NBEA: variants seen among roughly 807,000 people sequenced by gnomAD.
NBEA encodes the protein neurobeachin.
NBEA carries 44 observed loss-of-function variants against 343.4 expected under a neutral mutation model. The observed-to-expected ratio is 0.13, with a 90% confidence interval of 0.10 to 0.16. The LOEUF (loss-of-function observed/expected upper bound fraction) is 0.16, where lower values mean the gene tolerates loss of function less well. NBEA is among the 10% of genes least tolerant of loss of function. The pLI is 1.00. For missense variants in NBEA, 2,555 were observed against 3,631.3 expected (o/e 0.70, Z 7.62); for synonymous variants, 1,175 against 1,238.7 (o/e 0.95, Z 1.08).
intron 38 of NBEA, among the ~76,000 whole-genome samples, chr13:35,418,262 T>G (rs1040676393): frequency 6.6e-6 from 1 of 152,116 alleles, no homozygotes; most frequent in African/African-American, 2.4e-5. Context: ...TATTGTTATG[T>G]GTTACTCTTA....
At chr13:35,410,922 A>G (rs1174860655) in intron 38 of NBEA, among the ~76,000 whole-genome samples, 2 of 152,130 alleles carry the variant, frequency 1.3e-5, no homozygotes, top group Non-Finnish European at 2.9e-5. Context: ...TTTTTGTGCT[A>G]AAGCTTTAGC....
At chr13:35,066,896 A>G (rs931448533) in intron 8 of NBEA, among the ~76,000 whole-genome samples, 7 of 151,874 alleles carry the variant, frequency 4.6e-5, no homozygotes, top group African/African-American at 1.2e-4. Flanking sequence ...ATTTTCTTAT[A>G]TAGCATTTTC....
intron 39 of NBEA, among the ~76,000 whole-genome samples, chr13:35,439,591 TAAAAC>T (rs1376432428): frequency 6.6e-6 from 1 of 152,164 alleles, no homozygotes; most frequent in Non-Finnish European, 1.5e-5. Flanking sequence ...TATTCCTAGA[TAAAAC>T]AAAAACCATT....
intron 36 of NBEA, among the ~76,000 whole-genome samples, chr13:35,320,272 C>G (rs2038045224): frequency 6.6e-6 from 1 of 152,148 alleles, no homozygotes; most frequent in Non-Finnish European, 1.5e-5. Flanking sequence ...CCTTCGGGAG[C>G]TCTTGCAAGG....
At chr13:35,071,046 A>G (rs569147713) in intron 10 of NBEA, 194 bp downstream of exon 10, 25 of 429,268 alleles carry the variant, frequency 5.8e-5, no homozygotes, top group African/African-American at 4.9e-4. Flanking sequence ...AGGTTGTTAT[A>G]TCATAAAGGA....
chr13:35,240,969 A>C (rs1011474830), intron 34 of NBEA, among the ~76,000 whole-genome samples: 1 of 151,852 alleles, frequency 6.6e-6, no homozygotes, highest in Non-Finnish European at 1.5e-5. Context: ...AAGATATAAA[A>C]ATTCTTGAAT....
At chr13:35,634,115 C>T (rs377536591) in intron 49 of NBEA, among the ~76,000 whole-genome samples, 3 of 152,262 alleles carry the variant, frequency 2.0e-5, no homozygotes, top group East Asian at 3.9e-4. Flanking sequence ...AAAGCCGAGG[C>T]AGGCAGATCA....
chr13:35,054,281 C>G (rs905898390), intron 6 of NBEA, among the ~76,000 whole-genome samples: 3 of 152,036 alleles, frequency 2.0e-5, no homozygotes. Context: ...TATATGCAAA[C>G]TTTAATTCTT....
intron 47 of NBEA, among the ~76,000 whole-genome samples, chr13:35,594,990 C>A (rs1284368294): frequency 1.4e-5 from 2 of 140,738 alleles, no homozygotes; most frequent in Non-Finnish European, 1.5e-5. Flanking sequence ...CACACACACA[C>A]AAATTGGCTT....
At chr13:35,538,259 A>G (rs957113432) in intron 41 of NBEA, among the ~76,000 whole-genome samples, 1 of 152,250 alleles carries the variant, frequency 6.6e-6, no homozygotes, top group Admixed American at 6.5e-5. Context: ...TATACCTTAT[A>G]CATGTAGCCT....
At chr13:35,179,820 A>G (rs1281029154) in intron 28 of NBEA, 7 of 982,020 alleles carry the variant, frequency 7.1e-6, no homozygotes, top group Non-Finnish European at 8.5e-6. Context: ...TCTTAATCTG[A>G]TTGTGCTTCA....
intron 34 of NBEA, among the ~76,000 whole-genome samples, chr13:35,263,844 C>T (rs974550504): frequency 2.0e-5 from 3 of 151,818 alleles, no homozygotes; most frequent in Non-Finnish European, 4.4e-5. Flanking sequence ...CTCACACAAC[C>T]TACAGTGTAC....
At chr13:35,589,565 A>G (rs1187926521) in intron 46 of NBEA, among the ~76,000 whole-genome samples, 2 of 151,998 alleles carry the variant, frequency 1.3e-5, no homozygotes, top group Non-Finnish European at 2.9e-5. Context: ...GGAAAAGAAG[A>G]ACAGAACAGA....
intron 35 of NBEA, among the ~76,000 whole-genome samples, chr13:35,296,155 G>T (rs1441775494): frequency 6.6e-6 from 1 of 151,994 alleles, no homozygotes; most frequent in Non-Finnish European, 1.5e-5. Context: ...ACTTTGGGAG[G>T]CCAAGGCAGG....
At chr13:35,376,258 T>C (rs998516542) in intron 38 of NBEA, among the ~76,000 whole-genome samples, 8 of 152,168 alleles carry the variant, frequency 5.3e-5, no homozygotes, top group African/African-American at 1.7e-4. Flanking sequence ...TGTTCATTGA[T>C]ATGATTTCCT....
At chr13:35,055,262 A>T (rs1369040160) in intron 6 of NBEA, among the ~76,000 whole-genome samples, 1 of 152,068 alleles carries the variant, frequency 6.6e-6, no homozygotes, top group Non-Finnish European at 1.5e-5. Flanking sequence ...TAGGCTATTA[A>T]CTCTCAGGAG....
intron 51 of NBEA, 69 bp downstream of exon 51, chr13:35,646,417 T>C (rs1460936652): frequency 8.5e-7 from 1 of 1,174,476 alleles, no homozygotes; most frequent in Non-Finnish European, 1.2e-6. Flanking sequence ...CAAATAAAAT[T>C]GTGATTTTAA....
chr13:35,040,355 A>G (rs1252737212), intron 1 of NBEA, among the ~76,000 whole-genome samples: 1 of 151,762 alleles, frequency 6.6e-6, no homozygotes, highest in Non-Finnish European at 1.5e-5. Flanking sequence ...GCTTTCTTTT[A>G]CCCAATTCAC....
chr13:35,000,972 G>A (rs760393427), intron 1 of NBEA, among the ~76,000 whole-genome samples: 1 of 151,514 alleles, frequency 6.6e-6, no homozygotes, highest in Non-Finnish European at 1.5e-5. Context: ...TTTTGTTGTT[G>A]TTGTTGTTGT....
Sources: gnomAD v4.1 joint callset for allele counts (sites outside exome capture counted in the v4.1 genomes callset) on GRCh38, gnomAD v4.1.1 for gene constraint, MANE v1.5 for transcripts, NCBI Gene and HGNC (gene_info 2026-07-23, HGNC 2026-07-21) for gene names.